The following LINGO2 variants were observed in gnomAD, a reference collection of about 807,000 sequenced individuals.
LINGO2 encodes the protein leucine-rich repeat and immunoglobulin-like domain-containing nogo receptor-interacting protein 2.
In LINGO2, 14 loss-of-function variants were observed where a neutral mutation model predicts 30.6. The ratio of observed to expected loss-of-function variants is 0.46; its 90% confidence interval spans 0.30 to 0.72. The LOEUF is 0.72. Ranked by LOEUF, LINGO2 falls within the 30% of genes least tolerant of loss-of-function variation. The pLI is 0.07. For synonymous variants in LINGO2, 317 were observed against 288.5 expected, an observed-to-expected ratio of 1.10 and a Z score of -1.00; for missense variants, 729 against 751.7, an observed-to-expected ratio of 0.97 and a Z score of 0.35.
At chr9:28,449,625 T>C (rs781040155) in intron 2 of LINGO2, among the ~76,000 whole-genome samples, 3 of 152,076 alleles carry the variant, frequency 2.0e-5, no homozygotes, top group Non-Finnish European at 4.4e-5. Flanking sequence ...TTTCTCCCTT[T>C]GAAGAATCAA....
At chr9:28,247,969 G>A (rs1213725808) in intron 4 of LINGO2, among the ~76,000 whole-genome samples, 4 of 152,142 alleles carry the variant, frequency 2.6e-5, no homozygotes, top group South Asian at 4.1e-4. Context: ...AAATGCCAGA[G>A]AGGATGTGGA....
At chr9:28,734,876 T>C in the LINGO2 span, among the ~76,000 whole-genome samples, 4 of 152,192 alleles carry the variant, frequency 2.6e-5, 1 homozygote, top group South Asian at 4.1e-4. Context: ...TAGAATTTCA[T>C]ATCAATTGAA....
At chr9:28,899,468 A>G in the LINGO2 span, among the ~76,000 whole-genome samples, 1 of 151,938 alleles carries the variant, frequency 6.6e-6, no homozygotes, top group Non-Finnish European at 1.5e-5. Flanking sequence ...CAGGCTCCAG[A>G]CTGACCACAG....
At chr9:29,193,176 A>G in the LINGO2 span, among the ~76,000 whole-genome samples, 1 of 152,316 alleles carries the variant, frequency 6.6e-6, no homozygotes, top group East Asian at 1.9e-4. Context: ...ACCAAAATGT[A>G]TCTCTAACTC....
chr9:28,997,606 G>A, the LINGO2 span, among the ~76,000 whole-genome samples: 1 of 152,174 alleles, frequency 6.6e-6, no homozygotes, highest in South Asian at 2.1e-4. Flanking sequence ...GGCGGATCAC[G>A]AGGTCAGGAG....
At chr9:28,848,462 A>C in the LINGO2 span, among the ~76,000 whole-genome samples, 1 of 134,074 alleles carries the variant, frequency 7.5e-6, no homozygotes, top group Non-Finnish European at 1.6e-5. Context: ...GTGGATTTTA[A>C]GGGTAAGTTT....
the LINGO2 span, among the ~76,000 whole-genome samples, chr9:28,704,191 A>C: frequency 9.5e-6 from 1 of 105,158 alleles, no homozygotes; most frequent in Non-Finnish European, 1.9e-5. Context: ...TCACTTTTGA[A>C]GGGTGAATTC....
intron 4 of LINGO2, among the ~76,000 whole-genome samples, chr9:28,048,307 A>T (rs1824516273): frequency 6.6e-6 from 1 of 151,108 alleles, no homozygotes; most frequent in Non-Finnish European, 1.5e-5. Context: ...AAGTGAAAAC[A>T]TTGTAATTAA....
the LINGO2 span, among the ~76,000 whole-genome samples, chr9:29,017,188 G>A: frequency 6.6e-6 from 1 of 151,678 alleles, no homozygotes; most frequent in East Asian, 1.9e-4. Flanking sequence ...AATTAAGGAA[G>A]ACTCTGAGTT....
At chr9:28,332,398 A>G (rs1017079089) in intron 3 of LINGO2, among the ~76,000 whole-genome samples, 1 of 152,136 alleles carries the variant, frequency 6.6e-6, no homozygotes, top group Non-Finnish European at 1.5e-5. Flanking sequence ...ACTCACATGG[A>G]AGGTTTCTCT....
intron 2 of LINGO2, among the ~76,000 whole-genome samples, chr9:28,412,434 A>G (rs185305265): frequency 1.2e-3 from 189 of 152,206 alleles, no homozygotes; most frequent in Admixed American, 6.4e-3. Flanking sequence ...GCAAAAACAT[A>G]AAATAAAAAT....
intron 1 of LINGO2, among the ~76,000 whole-genome samples, chr9:28,602,325 C>T (rs1563856248): frequency 6.6e-6 from 1 of 151,600 alleles, no homozygotes; most frequent in Non-Finnish European, 1.5e-5. Flanking sequence ...AACAAACAAA[C>T]AAAATAAAAG....
the LINGO2 span, among the ~76,000 whole-genome samples, chr9:28,855,231 C>A: frequency 1.3e-5 from 2 of 151,862 alleles, no homozygotes; most frequent in Admixed American, 6.6e-5. Flanking sequence ...AAATAAGAAG[C>A]AGATAATTGC....
the LINGO2 span, among the ~76,000 whole-genome samples, chr9:28,990,922 G>C: frequency 4.9e-3 from 749 of 152,286 alleles, 6 homozygotes; most frequent in African/African-American, 0.017. Flanking sequence ...GGAAAAAACA[G>C]AGCAGAAAGA....
chr9:28,268,975 A>C (rs991790113), intron 4 of LINGO2, among the ~76,000 whole-genome samples: 2 of 152,084 alleles, frequency 1.3e-5, no homozygotes, highest in African/African-American at 4.8e-5. Context: ...GTCATACTGA[A>C]GAATTCACAT....
chr9:28,126,686 T>C (rs2133422639), intron 4 of LINGO2, among the ~76,000 whole-genome samples: 1 of 152,316 alleles, frequency 6.6e-6, no homozygotes, highest in South Asian at 2.1e-4. Context: ...AGACTTGCAA[T>C]ATGCATTAAC....
At chr9:28,818,285 C>A in the LINGO2 span, among the ~76,000 whole-genome samples, 2 of 152,160 alleles carry the variant, frequency 1.3e-5, no homozygotes, top group Non-Finnish European at 2.9e-5. Context: ...GGGTCCTAGA[C>A]AGTAGCTGAT....
chr9:28,651,633 T>C (rs1351112525), intron 1 of LINGO2, among the ~76,000 whole-genome samples: 1 of 152,096 alleles, frequency 6.6e-6, no homozygotes, highest in African/African-American at 2.4e-5. Flanking sequence ...AAAATTTCCA[T>C]AATCGTATTA....
chr9:28,367,109 A>ATATAT (rs1564153661), intron 3 of LINGO2, among the ~76,000 whole-genome samples: 1,384 of 135,378 alleles, frequency 0.01, 17 homozygotes, highest in African/African-American at 0.037. Context: ...GTTAAATCAA[A>ATATAT]AGTCAGCACA....
Sources: allele counts gnomAD v4.1 joint callset (sites outside exome capture counted in the v4.1 genomes callset), GRCh38; gene constraint gnomAD v4.1.1; transcripts MANE v1.5; gene names NCBI Gene and HGNC (gene_info 2026-07-23, HGNC 2026-07-21).